The following RBFOX2 variants were observed in gnomAD, a reference collection of about 807,000 sequenced individuals.
The protein encoded by RBFOX2 is RNA binding fox-1 homolog 2.
Under a neutral mutation model 49.1 loss-of-function variants are expected in RBFOX2, and 10 were observed. That is an observed-to-expected ratio of 0.20 (90% CI 0.13 to 0.35). The LOEUF (loss-of-function observed/expected upper bound fraction) is 0.35, where lower values mean the gene tolerates loss of function less well. Ranked by LOEUF, RBFOX2 falls within the 10% of genes least tolerant of loss-of-function variation. RBFOX2 has a pLI of 1.00. For missense variants in RBFOX2, 323 were observed against 486.9 expected (o/e 0.66, Z 3.17); for synonymous variants, 183 against 187.4 (o/e 0.98, Z 0.19).
chr22:35,967,909 A>G (rs930343749), intron 1 of RBFOX2, among the ~76,000 whole-genome samples: 5 of 152,242 alleles, frequency 3.3e-5, no homozygotes, highest in African/African-American at 1.2e-4. Flanking sequence ...AGCAGAATCC[A>G]GAAATAATAC....
At chr22:35,786,411 T>C (rs578098367) in intron 2 of RBFOX2, among the ~76,000 whole-genome samples, 8 of 152,326 alleles carry the variant, frequency 5.3e-5, no homozygotes, top group Non-Finnish European at 8.8e-5. Context: ...AATTTTTAAA[T>C]TGAAGTTTAA....
At chr22:35,928,314 A>G (rs1338098920) in intron 1 of RBFOX2, among the ~76,000 whole-genome samples, 1 of 152,118 alleles carries the variant, frequency 6.6e-6, no homozygotes, top group Non-Finnish European at 1.5e-5. Context: ...CTTTATATAG[A>G]AGCTACAGTT....
chr22:35,943,898 C>T (rs2053974859), intron 1 of RBFOX2, among the ~76,000 whole-genome samples: 1 of 152,198 alleles, frequency 6.6e-6, no homozygotes, highest in South Asian at 2.1e-4. Flanking sequence ...GAGCGAGACT[C>T]CGTCTCAAAA....
At chr22:35,818,039 T>C (rs1953555703) in intron 1 of RBFOX2, among the ~76,000 whole-genome samples, 1 of 152,124 alleles carries the variant, frequency 6.6e-6, no homozygotes, top group Admixed American at 6.6e-5. Flanking sequence ...CCCTTGAGGC[T>C]GAGTTTTGAA....
chr22:35,833,678 A>T (rs1332472604), intron 1 of RBFOX2, among the ~76,000 whole-genome samples: 3 of 152,162 alleles, frequency 2.0e-5, no homozygotes, highest in Non-Finnish European at 2.9e-5. Flanking sequence ...AAGTAGGTAT[A>T]AAAAAACAAA....
chr22:35,898,453 T>C, intron 1 of RBFOX2: 1 of 410,886 alleles, frequency 2.4e-6, no homozygotes, highest in Non-Finnish European at 4.4e-6. Flanking sequence ...TGAGACAGGG[T>C]CTCACTCTGT....
intron 1 of RBFOX2, among the ~76,000 whole-genome samples, chr22:35,852,958 A>G (rs2042108563): frequency 6.6e-6 from 1 of 152,196 alleles, no homozygotes; most frequent in Admixed American, 6.5e-5. Flanking sequence ...ATTCTTCTAG[A>G]CTATACATAC....
intron 2 of RBFOX2, among the ~76,000 whole-genome samples, chr22:35,801,057 G>A (rs1010957258): frequency 2.4e-4 from 36 of 152,090 alleles, no homozygotes; most frequent in Admixed American, 1.3e-4. Context: ...ATGGGGAGTC[G>A]GAGTGGTAGA....
At chr22:35,942,942 A>G (rs746747940), upstream of RBFOX2, among the ~76,000 whole-genome samples, 1 of 152,240 alleles carries the variant, frequency 6.6e-6, no homozygotes, top group South Asian at 2.1e-4. Context: ...AACCAACTAT[A>G]TATCTCACTT....
intron 1 of RBFOX2, among the ~76,000 whole-genome samples, chr22:35,834,449 C>T (rs1957306009): frequency 6.6e-6 from 1 of 152,148 alleles, no homozygotes. Flanking sequence ...TCTCAGGGAG[C>T]TTCTGTTTGG....
At chr22:35,807,225 TCAGA>T (rs1950915628) in intron 2 of RBFOX2, among the ~76,000 whole-genome samples, 1 of 152,146 alleles carries the variant, frequency 6.6e-6, no homozygotes, top group Non-Finnish European at 1.5e-5. Flanking sequence ...TACATTAATA[TCAGA>T]CAAATAGTTT....
intron 1 of RBFOX2, chr22:35,821,677 CCTT>C (rs1194209824): frequency 2.0e-6 from 1 of 506,902 alleles, no homozygotes; most frequent in Non-Finnish European, 3.9e-6. Flanking sequence ...TGAGGACTGA[CCTT>C]CTTTTAATAG....
chr22:35,836,520 T>C (rs554471796), intron 1 of RBFOX2: 2 of 152,246 alleles, frequency 1.3e-5, no homozygotes, highest in African/African-American at 2.4e-5. Flanking sequence ...TGCTGCCACA[T>C]GGACTCACTG....
intron 1 of RBFOX2, among the ~76,000 whole-genome samples, chr22:35,847,967 T>C (rs1193363653): frequency 6.6e-6 from 1 of 152,136 alleles, no homozygotes; most frequent in Non-Finnish European, 1.5e-5. Context: ...CACCCCAAAA[T>C]TGGGAGGGGG....
chr22:35,943,033 T>G (rs1231974880), upstream of RBFOX2, among the ~76,000 whole-genome samples: 1 of 152,220 alleles, frequency 6.6e-6, no homozygotes, highest in South Asian at 2.1e-4. Context: ...TTTAAGTGAT[T>G]TGCTCATAAT....
intron 2 of RBFOX2, among the ~76,000 whole-genome samples, chr22:35,792,332 AAAG>A (rs1285696672): frequency 2.2e-4 from 22 of 98,008 alleles, no homozygotes; most frequent in African/African-American, 1.2e-3. Context: ...AAAAAAAAAA[AAAG>A]AAAAGAAAAG....
chr22:35,840,887 A>C (rs1301534822), upstream of RBFOX2, among the ~76,000 whole-genome samples: 1 of 152,236 alleles, frequency 6.6e-6, no homozygotes, highest in Non-Finnish European at 1.5e-5. Context: ...GGATTTAACA[A>C]GAAAGATGTG....
chr22:35,745,779 A>C, intron 11 of RBFOX2, 144 bp downstream of exon 13: 1 of 791,686 alleles, frequency 1.3e-6, no homozygotes, highest in Non-Finnish European at 2.1e-6. Flanking sequence ...GGGTGACATG[A>C]AACTTCCAGG....
intron 2 of RBFOX2, among the ~76,000 whole-genome samples, chr22:35,786,980 G>A (rs1946539869): frequency 6.6e-6 from 1 of 152,156 alleles, no homozygotes; most frequent in African/African-American, 2.4e-5. Flanking sequence ...GTCTCCGGGA[G>A]TGGAGACAGG....
Sources: allele counts gnomAD v4.1 joint callset (sites outside exome capture counted in the v4.1 genomes callset), GRCh38; gene constraint gnomAD v4.1.1; transcripts MANE v1.5; gene names NCBI Gene and HGNC (gene_info 2026-07-23, HGNC 2026-07-21).